Variants in SHROOM4 observed in about 807,000 individuals in gnomAD.
SHROOM4 encodes the protein protein Shroom4.
In SHROOM4, 17 loss-of-function variants were observed where a neutral mutation model predicts 80.3. The ratio of observed to expected loss-of-function variants is 0.21; its 90% CI spans 0.14 to 0.32. The LOEUF (loss-of-function observed/expected upper bound fraction) is 0.32, where lower values mean the gene tolerates loss of function less well. Among genes scored for constraint, SHROOM4 ranks in the 10% least tolerant of loss-of-function variants. The pLI, the probability that SHROOM4 is intolerant of heterozygous loss-of-function variation, is 1.00. For synonymous variants in SHROOM4, 400 were observed against 437.5 expected, an observed-to-expected ratio of 0.91 and a Z score of 1.07; for missense variants, 993 against 1,140.3, an observed-to-expected ratio of 0.87 and a Z score of 1.86.
intron 1 of SHROOM4, among the ~76,000 whole-genome samples, chrX:50,753,025 A>G (rs939840936): frequency 8.9e-6 from 1 of 112,004 alleles, no homozygotes; most frequent in Non-Finnish European, 1.9e-5. Context: ...TTGGGAGAAT[A>G]GACTGCATGG....
intron 2 of SHROOM4, among the ~76,000 whole-genome samples, chrX:50,668,064 T>C (rs1557260488): frequency 1.8e-5 from 2 of 112,249 alleles, no homozygotes. Flanking sequence ...AGGCTATTAA[T>C]AAGGTGTCGC....
the SHROOM4 span, among the ~76,000 whole-genome samples, chrX:50,578,632 G>T: frequency 9.0e-6 from 1 of 111,272 alleles, no homozygotes; most frequent in African/African-American, 3.3e-5. Flanking sequence ...TAGAGACAGG[G>T]TTTCACCATG....
chrX:50,688,609 AAAT>A (rs1477180014), intron 2 of SHROOM4, among the ~76,000 whole-genome samples: 2 of 110,966 alleles, frequency 1.8e-5, no homozygotes, highest in Admixed American at 1.9e-4. Context: ...GAGATTTGTT[AAAT>A]AATACAAAAT....
intron 2 of SHROOM4, among the ~76,000 whole-genome samples, chrX:50,663,601 T>A (rs944157500): frequency 1.8e-5 from 2 of 110,550 alleles, no homozygotes; most frequent in Admixed American, 9.8e-5. Flanking sequence ...TTGTTCACAT[T>A]TATCTCTCAC....
At chrX:50,702,782 A>G (rs1254054701) in intron 1 of SHROOM4, among the ~76,000 whole-genome samples, 1 of 112,130 alleles carries the variant, frequency 8.9e-6, no homozygotes, top group Non-Finnish European at 1.9e-5. Flanking sequence ...CCTTAATTTA[A>G]GAAAGAATTA....
At chrX:50,605,398 G>A (rs1929621483) in intron 6 of SHROOM4, among the ~76,000 whole-genome samples, 2 of 112,542 alleles carry the variant, frequency 1.8e-5, no homozygotes, top group Admixed American at 1.9e-4. Context: ...ACTCAAAGGA[G>A]CATCTAATTG....
At chrX:50,670,048 A>G (rs1932779110) in intron 2 of SHROOM4, among the ~76,000 whole-genome samples, 1 of 112,086 alleles carries the variant, frequency 8.9e-6, no homozygotes, top group Non-Finnish European at 1.9e-5. Flanking sequence ...TACTTTGGCC[A>G]CATTCATCAG....
intron 1 of SHROOM4, among the ~76,000 whole-genome samples, chrX:50,738,668 T>G (rs1195063968): frequency 9.0e-6 from 1 of 110,748 alleles, no homozygotes; most frequent in Non-Finnish European, 1.9e-5. Flanking sequence ...CACTGCTCAA[T>G]GAAATAAAAG....
At chrX:50,771,687 T>A in intron 1 of SHROOM4, among the ~76,000 whole-genome samples, 1 of 112,498 alleles carries the variant, frequency 8.9e-6, no homozygotes, top group South Asian at 3.7e-4. Flanking sequence ...ATCCATTATG[T>A]GGTGTGACTA....
chrX:50,802,884 T>C (rs1302432895), intron 1 of SHROOM4, among the ~76,000 whole-genome samples: 1 of 111,821 alleles, frequency 8.9e-6, no homozygotes, highest in Non-Finnish European at 1.9e-5. Context: ...TCTGCAAGAA[T>C]CAAGAAGATC....
intron 5 of SHROOM4, among the ~76,000 whole-genome samples, chrX:50,613,507 A>C (rs1930088211): frequency 8.9e-6 from 1 of 112,460 alleles, no homozygotes; most frequent in Admixed American, 9.4e-5. Flanking sequence ...TCTTTTCTAC[A>C]TAGATGCAAC....
chrX:50,602,306 G>A (rs1343429850), intron 7 of SHROOM4, among the ~76,000 whole-genome samples: 1 of 111,046 alleles, frequency 9.0e-6, no homozygotes, highest in Non-Finnish European at 1.9e-5. Context: ...TGGCCAGGCT[G>A]TTCTCAAACT....
rs782591625 is a variant in SHROOM4, at chrX:50,596,477, C to T, written c.*218G>A. ...AGGAGAGTGTGGTTCTAAGATCACA[C>T]CTTGCTGCAGCTCCCTTGGGTAGAA... On this transcript the variant is annotated 3_prime_UTR_variant, in exon 9 of 9. Coordinates refer to ENST00000376020, the MANE Select transcript of SHROOM4 (RefSeq NM_020717.5). The T allele has an allele frequency of 2.1e-4, 111 of 524,819 alleles. 2 individuals carry two copies. In the South Asian group the frequency reaches 2.7e-3, roughly 13 times the overall value. The allele number at this position is 524,819 out of a possible 1,213,427, so 43.3% of individuals were successfully genotyped here.
At chrX:50,802,211 C>G (rs1019236359) in intron 1 of SHROOM4, among the ~76,000 whole-genome samples, 1 of 112,293 alleles carries the variant, frequency 8.9e-6, no homozygotes. Flanking sequence ...GTTCTACTAT[C>G]TTTGGGGCAT....
At chrX:50,615,803 G>C (rs1557250691) in intron 5 of SHROOM4, among the ~76,000 whole-genome samples, 5 of 111,383 alleles carry the variant, frequency 4.5e-5, no homozygotes, top group Non-Finnish European at 7.5e-5. Flanking sequence ...AGGGGGAGTG[G>C]CCTGGGATTT....
At chrX:50,721,729 C>T (rs1380332344) in intron 1 of SHROOM4, among the ~76,000 whole-genome samples, 1 of 111,823 alleles carries the variant, frequency 8.9e-6, no homozygotes, top group Non-Finnish European at 1.9e-5. Flanking sequence ...GGTTCAAACA[C>T]CTCTGACACA....
intron 1 of SHROOM4, among the ~76,000 whole-genome samples, chrX:50,726,664 A>T (rs145408206): frequency 5.6e-4 from 63 of 113,131 alleles, no homozygotes; most frequent in African/African-American, 1.9e-3. Context: ...GTGGCTTATC[A>T]CATGATGTTG....
At chrX:50,617,811 C>T (rs1156418544) in intron 5 of SHROOM4, among the ~76,000 whole-genome samples, 1 of 111,030 alleles carries the variant, frequency 9.0e-6, no homozygotes, top group Non-Finnish European at 1.9e-5. Flanking sequence ...CCCTCCCACT[C>T]ACTTGCCCTG....
intron 1 of SHROOM4, among the ~76,000 whole-genome samples, chrX:50,777,093 T>C (rs1189370721): frequency 9.0e-6 from 1 of 111,675 alleles, no homozygotes; most frequent in African/African-American, 3.3e-5. Flanking sequence ...AACTAGGCAT[T>C]TATTTAGTTT....
Sources: allele counts gnomAD v4.1 joint callset (sites outside exome capture counted in the v4.1 genomes callset), GRCh38; gene constraint gnomAD v4.1.1; transcripts MANE v1.5; gene names NCBI Gene and HGNC (gene_info 2026-07-23, HGNC 2026-07-21).